Variants in AGAP9 observed in about 807,000 individuals in gnomAD.
AGAP9 encodes the protein ArfGAP with GTPase domain, ankyrin repeat and PH domain 9.
Under a neutral mutation model 55.6 loss-of-function variants are expected in AGAP9, and 23 were observed. That is an observed-to-expected ratio of 0.41 (90% CI 0.30 to 0.59). The LOEUF (loss-of-function observed/expected upper bound fraction) is 0.59, where lower values mean the gene tolerates loss of function less well. Ranked by LOEUF, AGAP9 falls within the 20% of genes least tolerant of loss-of-function variation. The probability of loss-of-function intolerance (pLI) is 0.25; values close to 1 mark genes in which losing one functional copy is unlikely to be tolerated. For synonymous variants in AGAP9, 120 were observed against 305.0 expected (o/e 0.39, Z 6.32); for missense variants, 309 against 808.1 (o/e 0.38, Z 7.49).
intron 7 of AGAP9, 39 bp from the exon 8 acceptor site, chr10:47,503,582 G>GT: frequency 6.3e-7 from 1 of 1,577,412 alleles, no homozygotes; most frequent in Non-Finnish European, 8.6e-7. Context: ...CAAAAATTGG[G>GT]TAGTGGCTTG....
At position 47,502,767 on chromosome 10, in the gene AGAP9, G is replaced by A. The variant is rs1338153962; in HGVS notation, c.1362C>T (p.Ser454=). 3.0e-5 allele frequency: 47 copies of A among 1,577,290 alleles called. 1 individual carries two copies. Among genetic ancestry groups the A allele is most frequent in the Middle Eastern group, 1.9e-4 (1 of 5,364 alleles). The change falls in exon 8 of 8, where the codon AGC becomes AGT. Residue 454 remains serine, a synonymous_variant. Coordinates refer to ENST00000452145, the MANE Select transcript of AGAP9 (RefSeq NM_001190810.1). The part of the protein sequence containing the change: ...ASLQSCKSSK[S]KSQLTSQSEA... ...CACTCTGGCTGGTCAGCTGGGACTT[G>A]CTTTTACTGCTCTTGCATGACTGCA...
intron 4 of AGAP9, among the ~76,000 whole-genome samples, chr10:47,510,983 G>A (rs1840608363): frequency 2.3e-5 from 3 of 128,302 alleles, no homozygotes; most frequent in South Asian, 2.5e-4. Flanking sequence ...TCGCTCTGTA[G>A]CCCAGGCTGG....
intron 4 of AGAP9, among the ~76,000 whole-genome samples, chr10:47,513,193 C>A (rs1267314131): frequency 2.7e-5 from 4 of 149,656 alleles, no homozygotes; most frequent in African/African-American, 9.7e-5. Flanking sequence ...CGCCACCACG[C>A]CCGGCTAACT....
intron 4 of AGAP9, among the ~76,000 whole-genome samples, chr10:47,514,245 A>G (rs1288860295): frequency 1.3e-5 from 2 of 149,738 alleles, no homozygotes; most frequent in Non-Finnish European, 2.9e-5. Flanking sequence ...TGTGATATAC[A>G]TACATATTAT....
At chr10:47,521,293 TCAC>T (rs1840828733) in intron 2 of AGAP9, among the ~76,000 whole-genome samples, 1 of 139,152 alleles carries the variant, frequency 7.2e-6, no homozygotes, top group Non-Finnish European at 1.5e-5. Flanking sequence ...TTTCCAAACA[TCAC>T]CAAGCAGAGT....
intron 4 of AGAP9, among the ~76,000 whole-genome samples, chr10:47,510,929 T>C (rs1235866683): frequency 3.0e-5 from 4 of 133,164 alleles, no homozygotes; most frequent in African/African-American, 1.1e-4. Context: ...AATTAATTAA[T>C]TAATTAATTT....
chr10:47,503,296 C>T lies in AGAP9; in HGVS notation c.833G>A (p.Ser278Asn), dbSNP rs1244234012. Residue 278 changes from serine (S) to asparagine (N), a missense_variant, in exon 8 of 8, where the codon AGC becomes AAC. Transcript: ENST00000452145. Reference protein sequence around the residue: ...APENHADTIGSGRAIPIKQGM... With the variant: ...APENHADTIGNGRAIPIKQGM... ...CTGTTTAATGGGGATGGCTCTGCCGCTCCCGATGGTGTCAGCATGATTCTC... is the reference window on the plus strand; with the variant it reads ...CTGTTTAATGGGGATGGCTCTGCCGTTCCCGATGGTGTCAGCATGATTCTC... The T allele has an allele frequency of 6.3e-7, 1 of 1,587,188 alleles. No homozygotes were observed. Among genetic ancestry groups the T allele is most frequent in the East Asian group, 2.3e-5 (1 of 42,598 alleles).
chr10:47,513,053 G>A (rs1840658054), intron 4 of AGAP9, among the ~76,000 whole-genome samples: 1 of 133,514 alleles, frequency 7.5e-6, no homozygotes, highest in African/African-American at 3.1e-5. Flanking sequence ...TATTTTTTGA[G>A]ATGGAGTCTT....
In AGAP9 at chr10:47,508,997, A is replaced by G. The variant is rs1462958926; in HGVS notation, c.497+1174T>C. Among the ~76,000 whole-genome samples the G allele has an allele frequency of 1.5e-5, 2 of 133,646 alleles. 1 individual carries two copies. Among genetic ancestry groups the G allele is most frequent in the Non-Finnish European group, 3.1e-5 (2 of 65,288 alleles). The allele number at this position is 133,646 out of a possible 152,430, so 87.7% of individuals were successfully genotyped here. On this transcript the variant is annotated intron_variant, in intron 5 of 7. Transcript: ENST00000452145. The stretch of plus-strand genomic sequence containing the variant: ...TTCTTGAAGCCAATTTGCCCTATTA[A>G]TTTGTTCAATAACTTTATTTCACCA...
At chr10:47,519,544 C>T (rs1840784150) in intron 3 of AGAP9, among the ~76,000 whole-genome samples, 1 of 101,228 alleles carries the variant, frequency 9.9e-6, no homozygotes, top group Non-Finnish European at 1.9e-5. Flanking sequence ...ACCTGCTTCC[C>T]CTTTGCCTTT....
intron 6 of AGAP9, among the ~76,000 whole-genome samples, chr10:47,506,742 C>T (rs1381040789): frequency 1.4e-5 from 2 of 144,864 alleles, no homozygotes. Context: ...CAAGTTCAAG[C>T]GGTTCTCCTG....
chr10:47,513,541 G>A (rs1840672875), intron 4 of AGAP9, among the ~76,000 whole-genome samples: 1 of 141,678 alleles, frequency 7.1e-6, no homozygotes, highest in South Asian at 2.2e-4. Context: ...AAACAGTCTT[G>A]AAATTTATAT....
chr10:47,502,214 G>A lies in AGAP9; in HGVS notation c.1915C>T (p.Leu639=). ...HLACRKGNVV[L]EQLLTGWTSW... The stretch of plus-strand genomic sequence containing the variant: ...GTCCACCCCGTCAGGAGCTGCTCCA[G>A]GACCACATTCCCCTTGCGGCAGGCC... The change falls in exon 8 of 8, where the codon CTG becomes TTG. Residue 639 remains leucine (L), a synonymous_variant. Transcript: ENST00000452145. The A allele has an allele frequency of 2.6e-6, 4 of 1,559,454 alleles. No individual in the cohort carries two copies. In the South Asian group the frequency reaches 4.5e-5, roughly 18 times the overall value.
At chr10:47,510,115 G>A (rs1211375825) in intron 5 of AGAP9, 56 bp downstream of exon 5, 38 of 1,267,418 alleles carry the variant, frequency 3.0e-5, no homozygotes, top group Non-Finnish European at 3.8e-5. Context: ...CAACCAAATG[G>A]CTGAAATAAT....
At chr10:47,515,611 A>G (rs1840702291) in intron 4 of AGAP9, among the ~76,000 whole-genome samples, 1 of 110,948 alleles carries the variant, frequency 9.0e-6, no homozygotes, top group African/African-American at 3.4e-5. Context: ...ATCAAACCTG[A>G]GAATTTCTGG....
In AGAP9 at chr10:47,510,187, T is replaced by C; in HGVS notation, c.481A>G (p.Thr161Ala). ...TGTACTCACGATATTATTGTCATTG[T>C]AAGATAATGCTGGATGGCTGTGCTG... is the stretch of plus-strand genomic sequence containing the variant. Reference protein sequence around the residue: ...DDSTAIQHYLTMTIISVTLEI... With the variant: ...DDSTAIQHYLAMTIISVTLEI... The change falls in exon 5 of 8, where the codon ACA becomes GCA. Residue 161 changes from threonine (T) to alanine (A), a missense_variant. Coordinates refer to ENST00000452145, the MANE Select transcript of AGAP9 (RefSeq NM_001190810.1). 7.2e-7 allele frequency: 1 copy of C among 1,388,836 alleles called. No homozygotes were observed. The highest frequency in any genetic ancestry group is 9.7e-7 in the Non-Finnish European group (1 of 1,030,278). The allele number at this position is 1,388,836 out of a possible 1,614,324, so 86.0% of individuals were successfully genotyped here.
intron 2 of AGAP9, among the ~76,000 whole-genome samples, chr10:47,522,441 C>A (rs1362936065): frequency 6.7e-6 from 1 of 150,248 alleles, no homozygotes; most frequent in African/African-American, 2.5e-5. Context: ...TCTGCAGCCC[C>A]GGCTGTGACA....
chr10:47,513,421 A>G (rs1840670047), intron 4 of AGAP9, among the ~76,000 whole-genome samples: 1 of 142,374 alleles, frequency 7.0e-6, no homozygotes, highest in Non-Finnish European at 1.5e-5. Flanking sequence ...ACCCATGCTC[A>G]TGAATGGGTA....
chr10:47,513,795 C>T (rs1840677191), intron 4 of AGAP9, among the ~76,000 whole-genome samples: 1 of 136,092 alleles, frequency 7.3e-6, no homozygotes, highest in African/African-American at 2.7e-5. Context: ...GAAAGTAAAC[C>T]CTATTCAACA....
Sources: allele counts gnomAD v4.1 joint callset (sites outside exome capture counted in the v4.1 genomes callset), GRCh38; gene constraint gnomAD v4.1.1; transcripts MANE v1.5; gene names NCBI Gene and HGNC (gene_info 2026-07-23, HGNC 2026-07-21).